GFRA2: variants seen among roughly 807,000 people sequenced by gnomAD.
GFRA2 encodes the protein GDNF family receptor alpha-2.
A neutral mutation model predicts 48.3 loss-of-function variants in GFRA2; 17 were observed. The observed-to-expected ratio is 0.35, with a 90% confidence interval of 0.24 to 0.53. The LOEUF (loss-of-function observed/expected upper bound fraction) is 0.53. Among genes scored for constraint, GFRA2 ranks in the 20% least tolerant of loss-of-function variants. The probability of loss-of-function intolerance (pLI) is 0.93; values close to 1 mark genes in which losing one functional copy is unlikely to be tolerated. For synonymous variants in GFRA2, 305 were observed against 257.2 expected (o/e 1.19, Z -1.78); for missense variants, 660 against 637.3 (o/e 1.04, Z -0.38).
chr8:21,790,509 A>T (rs1236196123), upstream of GFRA2, among the ~76,000 whole-genome samples: 1 of 152,254 alleles, frequency 6.6e-6, no homozygotes, highest in Non-Finnish European at 1.5e-5. Context: ...TAGAGGGAGC[A>T]ACTTCCATCT....
chr8:21,729,799 G>T (rs976477037), intron 4 of GFRA2, among the ~76,000 whole-genome samples: 1 of 151,950 alleles, frequency 6.6e-6, no homozygotes, highest in African/African-American at 2.4e-5. Flanking sequence ...ACCAGAGAAC[G>T]ACTCTCCTCT....
chr8:21,743,526 C>G (rs1451901155), intron 4 of GFRA2, among the ~76,000 whole-genome samples: 2 of 152,180 alleles, frequency 1.3e-5, no homozygotes, highest in African/African-American at 4.8e-5. Flanking sequence ...GACAAAGAGT[C>G]CCCTCCTTAG....
intron 3 of GFRA2, among the ~76,000 whole-genome samples, chr8:21,757,750 C>A (rs1313298640): frequency 6.6e-6 from 1 of 152,180 alleles, no homozygotes; most frequent in African/African-American, 2.4e-5. Flanking sequence ...GATCCGCCCG[C>A]TTTGGCCTCC....
In GFRA2 at chr8:21,794,233, C is replaced by CTTTTT. The variant is rs1159236794; in HGVS notation, c.-35-6044_-35-6040dup. 3.4e-4 allele frequency among the ~76,000 whole-genome samples: 23 copies of CTTTTT among 66,994 alleles called. 2 individuals carry two copies. Among genetic ancestry groups the CTTTTT allele is most frequent in the South Asian group, 1.2e-3 (2 of 1,606 alleles). The allele number at this position is 66,994 out of a possible 152,430, so 44.0% of individuals were successfully genotyped here. ...AAAATTAAGCTTATCCTGAGAGTGA[C>CTTTTT]TTTTTTTTTTTTTTTTTTTTTTTTT... On this transcript the variant is annotated intron_variant, in intron 2 of 10. Transcript: ENST00000517328.
chr8:21,747,802 G>A (rs996936253), intron 4 of GFRA2, among the ~76,000 whole-genome samples: 43 of 105,816 alleles, frequency 4.1e-4, no homozygotes, highest in African/African-American at 1.5e-3. Flanking sequence ...ACACACACAC[G>A]CATGCACACA....
chr8:21,794,233 CTTTTTTTTTT>C (rs1159236794), intron 2 of GFRA2, among the ~76,000 whole-genome samples: 2 of 66,958 alleles, frequency 3.0e-5, no homozygotes, highest in Admixed American at 1.9e-4. Flanking sequence ...CTGAGAGTGA[CTTTTTTTTTT>C]TTTTTTTTTT....
intron 4 of GFRA2, among the ~76,000 whole-genome samples, chr8:21,738,890 G>T (rs1420488173): frequency 6.6e-6 from 1 of 152,208 alleles, no homozygotes; most frequent in Admixed American, 6.5e-5. Flanking sequence ...TCCACGAAAG[G>T]CCTCCTGAAT....
chr8:21,747,227 C>T (rs1008686437), intron 4 of GFRA2, among the ~76,000 whole-genome samples: 3 of 152,104 alleles, frequency 2.0e-5, no homozygotes, highest in Non-Finnish European at 2.9e-5. Flanking sequence ...GAAGAAGAAG[C>T]GAATGTGTCT....
At chr8:21,719,027 G>T (rs1563226209) in intron 4 of GFRA2, among the ~76,000 whole-genome samples, 1 of 151,926 alleles carries the variant, frequency 6.6e-6, no homozygotes, top group African/African-American at 2.4e-5. Flanking sequence ...GCCCCCCCTT[G>T]CCATCCAGCC....
chr8:21,769,584 G>A (rs1328500718), intron 3 of GFRA2, among the ~76,000 whole-genome samples: 2 of 152,120 alleles, frequency 1.3e-5, no homozygotes, highest in Non-Finnish European at 1.5e-5. Flanking sequence ...TTCAAAACGA[G>A]GACTAGCCGG....
chr8:21,758,408 C>T (rs1805695856), intron 3 of GFRA2, among the ~76,000 whole-genome samples: 1 of 152,160 alleles, frequency 6.6e-6, no homozygotes. Flanking sequence ...GAGAGGTTCC[C>T]CATCCTGTAA....
intron 1 of GFRA2, chr8:21,812,133 C>A (rs1329750284): frequency 6.6e-6 from 1 of 152,272 alleles, no homozygotes; most frequent in Non-Finnish European, 1.5e-5. Flanking sequence ...CCTTGGAGAC[C>A]GGGTAGATCC....
chr8:21,755,736 C>G (rs1165939978), intron 3 of GFRA2, among the ~76,000 whole-genome samples: 1 of 152,210 alleles, frequency 6.6e-6, no homozygotes, highest in Non-Finnish European at 1.5e-5. Context: ...ATCCCAGGCA[C>G]AGAGGGGAGC....
intron 3 of GFRA2, among the ~76,000 whole-genome samples, chr8:21,756,507 CT>C (rs1805577499): frequency 6.6e-6 from 1 of 152,128 alleles, no homozygotes; most frequent in African/African-American, 2.4e-5. Context: ...GGGGTCAGGG[CT>C]GGGCACATGG....
At chr8:21,797,519 C>G (rs1478457016) in intron 2 of GFRA2, 1 of 152,100 alleles carries the variant, frequency 6.6e-6, no homozygotes, top group Non-Finnish European at 1.5e-5. Context: ...GCTCCCTGGT[C>G]CTGCTCATCA....
intron 2 of GFRA2, among the ~76,000 whole-genome samples, chr8:21,799,926 C>G (rs1026486270): frequency 2.8e-4 from 42 of 152,296 alleles, no homozygotes; most frequent in African/African-American, 9.9e-4. Flanking sequence ...GTAGAGCTGG[C>G]CTTGTGCCCT....
chr8:21,782,589 G>A lies in GFRA2; in HGVS notation c.351C>T (p.Thr117=), dbSNP rs1015475829. The A allele has an allele frequency of 1.3e-5, 20 of 1,571,070 alleles. No homozygotes were observed. The highest frequency in any genetic ancestry group is 2.4e-5 in the East Asian group (1 of 42,258). The part of the protein sequence containing the change: ...QIYWSIHLGL[T]EGEEFYEASP... ...GCAAGCCCCGCCCAGGCTTACCCTCGGTCAGCCCCAGGTGGATGCTCCAGT... is the reference window on the plus strand; with the variant it reads ...GCAAGCCCCGCCCAGGCTTACCCTCAGTCAGCCCCAGGTGGATGCTCCAGT... Residue 117 remains threonine, a synonymous_variant, in exon 2 of 9, where the codon ACC becomes ACT. Transcript: ENST00000524240.
rs1807841205 is a variant in GFRA2 at position 21,805,407 on chromosome 8, G to T, written c.-147-279C>A. On this transcript the variant is annotated intron_variant, in intron 1 of 10. Transcript: ENST00000517328. ...CCTATGCTACACAGCCCTCTGCACA[G>T]TTCAGGAAGAGCTGAAGCAGCGACT... Among the ~76,000 whole-genome samples, 3 of 152,218 alleles carry T rather than the reference G, an allele frequency of 2.0e-5. No homozygotes were observed. The South Asian group carries it at 6.2e-4, about 32-fold the overall frequency.
At chr8:21,732,990 G>A (rs1260111464) in intron 4 of GFRA2, among the ~76,000 whole-genome samples, 1 of 152,202 alleles carries the variant, frequency 6.6e-6, no homozygotes, top group Non-Finnish European at 1.5e-5. Flanking sequence ...ACCTAGGCAG[G>A]AGGTCTTTGC....
Sources: allele counts gnomAD v4.1 joint callset (sites outside exome capture counted in the v4.1 genomes callset), GRCh38; gene constraint gnomAD v4.1.1; transcripts MANE v1.5; gene names NCBI Gene and HGNC (gene_info 2026-07-23, HGNC 2026-07-21).